The following SLC16A9 variants were observed in gnomAD, a reference collection of about 807,000 sequenced individuals.
The protein encoded by SLC16A9 is monocarboxylate transporter 9.
A neutral mutation model predicts 44.3 loss-of-function variants in SLC16A9; 26 were observed. That is an observed-to-expected ratio of 0.59 (90% CI 0.43 to 0.81). The LOEUF (loss-of-function observed/expected upper bound fraction) is 0.81. Ranked by LOEUF, SLC16A9 falls within the 40% of genes least tolerant of loss-of-function variation. The pLI is 0.00. For synonymous variants in SLC16A9, 230 were observed against 225.1 expected, an observed-to-expected ratio of 1.02 and a Z score of -0.19; for missense variants, 559 against 595.8, an observed-to-expected ratio of 0.94 and a Z score of 0.64.
intron 2 of SLC16A9, among the ~76,000 whole-genome samples, chr10:59,675,412 G>A (rs1168019814): frequency 3.3e-5 from 5 of 152,222 alleles, no homozygotes. Flanking sequence ...GAGCAGGGCA[G>A]GAGAGCCCTC....
At chr10:59,659,136 A>AT (rs1839415005) in intron 4 of SLC16A9, among the ~76,000 whole-genome samples, 3 of 152,356 alleles carry the variant, frequency 2.0e-5, no homozygotes, top group South Asian at 4.1e-4. Flanking sequence ...TATGTCCAGA[A>AT]TGCTTTTATA....
At chr10:59,661,017 TCTATTTCTGA>T (rs1839463208) in intron 4 of SLC16A9, among the ~76,000 whole-genome samples, 2 of 152,014 alleles carry the variant, frequency 1.3e-5, no homozygotes, top group Non-Finnish European at 2.9e-5. Flanking sequence ...AATAATAAGA[TCTATTTCTGA>T]CAAACCGACA....
intron 2 of SLC16A9, among the ~76,000 whole-genome samples, chr10:59,682,875 A>G (rs1055539656): frequency 2.7e-5 from 4 of 150,774 alleles, no homozygotes; most frequent in African/African-American, 9.7e-5. Context: ...CATAATGGCT[A>G]TATTATTTTT....
intron 1 of SLC16A9, among the ~76,000 whole-genome samples, chr10:59,686,613 T>C (rs984272045): frequency 6.6e-6 from 1 of 152,166 alleles, no homozygotes; most frequent in Non-Finnish European, 1.5e-5. Context: ...GCTATTGATG[T>C]CTGTATGTTA....
At chr10:59,673,826 A>G (rs1176699643) in intron 2 of SLC16A9, among the ~76,000 whole-genome samples, 1 of 152,254 alleles carries the variant, frequency 6.6e-6, no homozygotes, top group South Asian at 2.1e-4. Flanking sequence ...ACATAATTAT[A>G]TGGCAGTGAA....
At chr10:59,689,202 T>A (rs1483403697) in intron 1 of SLC16A9, among the ~76,000 whole-genome samples, 1 of 152,204 alleles carries the variant, frequency 6.6e-6, no homozygotes, top group Non-Finnish European at 1.5e-5. Context: ...AAAACTACCA[T>A]TGAGTGATTT....
intron 4 of SLC16A9, among the ~76,000 whole-genome samples, chr10:59,659,707 G>T (rs1171025139): frequency 6.6e-6 from 1 of 152,098 alleles, no homozygotes; most frequent in Non-Finnish European, 1.5e-5. Flanking sequence ...ATTCTTCTCA[G>T]CATCACACAG....
intron 2 of SLC16A9, among the ~76,000 whole-genome samples, chr10:59,674,261 G>C (rs572506361): frequency 7.2e-5 from 11 of 152,212 alleles, no homozygotes; most frequent in African/African-American, 2.6e-4. Flanking sequence ...ACAGAGGTAG[G>C]TTCCAATAAC....
At chr10:59,700,054 GAAGA>G (rs1334692589) in intron 1 of SLC16A9, among the ~76,000 whole-genome samples, 1 of 152,036 alleles carries the variant, frequency 6.6e-6, no homozygotes, top group Non-Finnish European at 1.5e-5. Flanking sequence ...CAGCAAATAA[GAAGA>G]AAGTCTCAGT....
intron 1 of SLC16A9, among the ~76,000 whole-genome samples, chr10:59,700,193 CCTTT>C (rs2132542741): frequency 6.6e-6 from 1 of 152,282 alleles, no homozygotes; most frequent in South Asian, 2.1e-4. Context: ...GCTTTTGTTT[CCTTT>C]CTTTCCTTCT....
At position 59,652,844 on chromosome 10, in the gene SLC16A9, C is replaced by G. The variant is rs1839237856; in HGVS notation, c.1458G>C (p.Trp486Cys). 4 of 1,613,856 alleles carry G rather than the reference C, an allele frequency of 2.5e-6. No homozygotes were observed. The highest frequency in any genetic ancestry group is 3.4e-6 in the Non-Finnish European group (4 of 1,179,922). Residue 486 changes from tryptophan (W) to cysteine (C), a missense_variant, in exon 6 of 6, where the codon TGG (tryptophan) becomes TGC (cysteine). By Grantham distance (215) the Trp-to-Cys change is radical. Coordinates refer to ENST00000395348, the MANE Select transcript of SLC16A9 (RefSeq NM_194298.3). ...FILLLAALPS[W>C]DTCNKQLPKP... Reference sequence around the variant, plus strand: ...TGGGGAGTTGCTTGTTGCATGTATCCCAAGAGGGCAAGGCTGCCAGCAGCA... The same window carrying G: ...TGGGGAGTTGCTTGTTGCATGTATCGCAAGAGGGCAAGGCTGCCAGCAGCA...
chr10:59,675,220 A>G (rs1839833486), intron 2 of SLC16A9, among the ~76,000 whole-genome samples: 1 of 152,226 alleles, frequency 6.6e-6, no homozygotes, highest in Non-Finnish European at 1.5e-5. Context: ...ACTGGAACTC[A>G]GAAAGATCAT....
At position 59,652,723 on chromosome 10, in the gene SLC16A9, C is replaced by T; in HGVS notation, c.*49G>A. The T allele has an allele frequency of 6.8e-7, 1 of 1,462,562 alleles. No individual in the cohort carries two copies. The highest frequency in any genetic ancestry group is 9.1e-7 in the Non-Finnish European group (1 of 1,093,282). The allele number at this position is 1,462,562 out of a possible 1,614,324, so 90.6% of individuals were successfully genotyped here. A position where few individuals can be genotyped will look rare whatever the true frequency, so the allele number is the denominator to read the frequency against. ...TTTGCTTGAGAATCTGTTAAAATAT[C>T]GTTGCTATATGGTATAAAATAGCAA... is the stretch of plus-strand genomic sequence containing the variant. On this transcript the variant is annotated 3_prime_UTR_variant, in exon 6 of 6. Transcript: ENST00000395348.
chr10:59,660,402 A>T (rs1839444664), intron 4 of SLC16A9, among the ~76,000 whole-genome samples: 1 of 152,220 alleles, frequency 6.6e-6, no homozygotes, highest in South Asian at 2.1e-4. Context: ...AAAATCTAGA[A>T]TAAATGGATA....
intron 1 of SLC16A9, among the ~76,000 whole-genome samples, chr10:59,689,283 T>C (rs958718447): frequency 1.3e-5 from 2 of 152,134 alleles, no homozygotes; most frequent in African/African-American, 2.4e-5. Context: ...TCACCAGCTG[T>C]TTTTCTGATA....
chr10:59,662,696 GA>G (rs1203785717), intron 4 of SLC16A9, among the ~76,000 whole-genome samples: 7 of 142,272 alleles, frequency 4.9e-5, no homozygotes, highest in East Asian at 4.1e-4. Flanking sequence ...ACAAACATAT[GA>G]AAAAAAACTC....
chr10:59,690,013 A>C (rs1338037346), intron 1 of SLC16A9, among the ~76,000 whole-genome samples: 1 of 152,198 alleles, frequency 6.6e-6, no homozygotes, highest in Non-Finnish European at 1.5e-5. Context: ...ATAGAAATGC[A>C]GCAAGATAAA....
At chr10:59,706,331 C>T (rs1478682688) in intron 1 of SLC16A9, among the ~76,000 whole-genome samples, 1 of 152,022 alleles carries the variant, frequency 6.6e-6, no homozygotes, top group East Asian at 1.9e-4. Flanking sequence ...TGCCAAGAAC[C>T]TCCAGAAGAA....
chr10:59,699,475 AT>A (rs1209441083), intron 1 of SLC16A9, among the ~76,000 whole-genome samples: 1 of 152,322 alleles, frequency 6.6e-6, no homozygotes, highest in East Asian at 1.9e-4. Flanking sequence ...GGTGTCTTGG[AT>A]AACCCGAGTG....
Sources: gnomAD v4.1 joint callset for allele counts (sites outside exome capture counted in the v4.1 genomes callset) on GRCh38, gnomAD v4.1.1 for gene constraint, MANE v1.5 for transcripts, NCBI Gene and HGNC (gene_info 2026-07-23, HGNC 2026-07-21) for gene names.